The following TMTC2 variants were observed in gnomAD, a reference collection of about 807,000 sequenced individuals.
TMTC2 encodes the protein transmembrane O-mannosyltransferase targeting cadherins 2.
In TMTC2, 43 loss-of-function variants were observed where a neutral mutation model predicts 82.4. The ratio of observed to expected loss-of-function variants is 0.52; its 90% CI spans 0.41 to 0.67. The LOEUF is 0.67. TMTC2 is among the 30% of genes least tolerant of loss of function. The pLI, the probability that TMTC2 is intolerant of heterozygous loss-of-function variation, is 0.00. For synonymous variants in TMTC2, 408 were observed against 381.9 expected, an observed-to-expected ratio of 1.07 and a Z score of -0.80; for missense variants, 919 against 1,012.4, an observed-to-expected ratio of 0.91 and a Z score of 1.25.
chr12:82,737,172 T>TTA (rs1319580803), intron 1 of TMTC2, among the ~76,000 whole-genome samples: 1 of 152,208 alleles, frequency 6.6e-6, no homozygotes, highest in African/African-American at 2.4e-5. Flanking sequence ...TTAACTAGAA[T>TTA]TATAAAATCG....
At chr12:82,964,022 TAA>T (rs1878074936) in intron 4 of TMTC2, among the ~76,000 whole-genome samples, 1 of 151,472 alleles carries the variant, frequency 6.6e-6, no homozygotes, top group African/African-American at 2.4e-5. Context: ...CTTAACAGAA[TAA>T]GTTTTTATTA....
chr12:82,982,415 T>C (rs1424228662), intron 7 of TMTC2, among the ~76,000 whole-genome samples: 1 of 148,518 alleles, frequency 6.7e-6, no homozygotes, highest in Admixed American at 6.9e-5. Flanking sequence ...TACCTTTTTT[T>C]AACATATTTA....
chr12:83,099,558 T>C (rs2137531255), intron 11 of TMTC2, among the ~76,000 whole-genome samples: 1 of 152,330 alleles, frequency 6.6e-6, no homozygotes, highest in East Asian at 1.9e-4. Context: ...ATAAGCCAGA[T>C]TTCAGTTTCG....
At chr12:82,882,843 G>T (rs1872899758) in intron 2 of TMTC2, among the ~76,000 whole-genome samples, 1 of 152,004 alleles carries the variant, frequency 6.6e-6, no homozygotes, top group African/African-American at 2.4e-5. Context: ...AGATCACAAG[G>T]TCAGGAGTTC....
rs574093626 is a variant in TMTC2 at position 82,941,973 on chromosome 12, T to C, written c.1598+11428T>C. 7.9e-5 allele frequency among the ~76,000 whole-genome samples: 12 copies of C among 152,284 alleles called. No homozygotes were observed. In the South Asian group the frequency reaches 2.1e-3, roughly 26 times the overall value. ...GTTGGCCAGGCTGGCCTTGAACTCC[T>C]GACTTCAAGTGATCCGCCTGCCTCA... On this transcript the variant is annotated intron_variant, in intron 4 of 11. Coordinates refer to ENST00000321196, the MANE Select transcript of TMTC2 (RefSeq NM_152588.3).
At chr12:82,980,113 G>A (rs10778921) in intron 7 of TMTC2, among the ~76,000 whole-genome samples, 140,052 of 151,784 alleles carry the variant, frequency 0.92, 64,668 homozygotes, top group East Asian at 1. Context: ...TATGTAATTC[G>A]TAACTCGGTG....
intron 2 of TMTC2, among the ~76,000 whole-genome samples, chr12:82,887,736 C>CT (rs1263361334): frequency 6.6e-6 from 1 of 152,068 alleles, no homozygotes; most frequent in Non-Finnish European, 1.5e-5. Context: ...AGCTGATTTC[C>CT]TTTTTTATGT....
chr12:82,972,574 G>A (rs1878496399), intron 7 of TMTC2, among the ~76,000 whole-genome samples: 1 of 152,074 alleles, frequency 6.6e-6, no homozygotes, highest in African/African-American at 2.4e-5. Context: ...GCAATTTTTT[G>A]TATAAAAAGC....
chr12:82,844,405 C>T (rs1279183663), intron 1 of TMTC2, among the ~76,000 whole-genome samples: 2 of 152,160 alleles, frequency 1.3e-5, no homozygotes, highest in Non-Finnish European at 2.9e-5. Context: ...TCCCTAGGCA[C>T]AAAGATTATA....
intron 7 of TMTC2, among the ~76,000 whole-genome samples, chr12:82,968,584 G>C (rs925217455): frequency 2.6e-5 from 4 of 152,062 alleles, no homozygotes; most frequent in African/African-American, 9.7e-5. Flanking sequence ...TTCAAATTAG[G>C]ATAGGTGTCT....
At chr12:83,064,252 A>T (rs144040614) in intron 11 of TMTC2, among the ~76,000 whole-genome samples, 1 of 151,886 alleles carries the variant, frequency 6.6e-6, no homozygotes, top group Non-Finnish European at 1.5e-5. Flanking sequence ...CTTGGATACT[A>T]CAAGACTTGA....
intron 1 of TMTC2, among the ~76,000 whole-genome samples, chr12:82,746,037 A>T (rs1875674447): frequency 6.6e-6 from 1 of 152,110 alleles, no homozygotes; most frequent in Non-Finnish European, 1.5e-5. Flanking sequence ...GGCTGGAGAG[A>T]GCATTGTTTG....
At chr12:82,997,905 C>T (rs1879737431) in intron 8 of TMTC2, among the ~76,000 whole-genome samples, 1 of 152,020 alleles carries the variant, frequency 6.6e-6, no homozygotes, top group Non-Finnish European at 1.5e-5. Flanking sequence ...CCCTATTTAG[C>T]TTATTCATCA....
chr12:83,035,674 A>G lies in TMTC2; in HGVS notation c.2152+4795A>G, dbSNP rs987926308. Among the ~76,000 whole-genome samples, 7 of 152,178 alleles carry G rather than the reference A, an allele frequency of 4.6e-5. No individual in the cohort carries two copies. In the East Asian group the frequency reaches 1.2e-3, roughly 25 times the overall value. ...AAAGTCTTTATTGAATTCAGTTTAT[A>G]AATCTCAAAGGTGAGGATTTGGTGC... On this transcript the variant is annotated intron_variant, in intron 9 of 11. Transcript: ENST00000321196.
intron 11 of TMTC2, among the ~76,000 whole-genome samples, chr12:83,092,997 A>C (rs1055607496): frequency 1.3e-5 from 2 of 152,198 alleles, no homozygotes; most frequent in Admixed American, 6.5e-5. Context: ...TGTGTGTCAA[A>C]GGGCTCGCTC....
intron 1 of TMTC2, among the ~76,000 whole-genome samples, chr12:82,808,177 T>A (rs1879329416): frequency 6.6e-6 from 1 of 151,950 alleles, no homozygotes; most frequent in Non-Finnish European, 1.5e-5. Context: ...AAAATGTCAT[T>A]AAAATTACAA....
At chr12:83,054,652 G>T (rs1243670083) in intron 10 of TMTC2, among the ~76,000 whole-genome samples, 4 of 150,400 alleles carry the variant, frequency 2.7e-5, no homozygotes, top group Non-Finnish European at 4.4e-5. Flanking sequence ...GTATAAATAT[G>T]CATATATAAT....
At chr12:82,783,243 G>C (rs568073953) in intron 1 of TMTC2, among the ~76,000 whole-genome samples, 3 of 135,222 alleles carry the variant, frequency 2.2e-5, no homozygotes, top group South Asian at 2.4e-4. Context: ...TGCTGGGTAG[G>C]TTTAAATAAT....
intron 4 of TMTC2, among the ~76,000 whole-genome samples, chr12:82,932,726 A>G (rs1191752396): frequency 1.3e-5 from 2 of 152,110 alleles, no homozygotes; most frequent in South Asian, 2.1e-4. Flanking sequence ...TCCTTCATAC[A>G]TTTTTGGAAG....
Sources: gnomAD v4.1 joint callset for allele counts (sites outside exome capture counted in the v4.1 genomes callset) on GRCh38, gnomAD v4.1.1 for gene constraint, MANE v1.5 for transcripts, NCBI Gene and HGNC (gene_info 2026-07-23, HGNC 2026-07-21) for gene names.